The following SCN8A variants were observed in gnomAD, a reference collection of about 807,000 sequenced individuals.
The protein encoded by SCN8A is sodium channel protein type 8 subunit alpha.
Under a neutral mutation model 184.1 loss-of-function variants are expected in SCN8A, and 30 were observed. The ratio of observed to expected loss-of-function variants is 0.16; its 90% confidence interval spans 0.12 to 0.22. SCN8A has a LOEUF of 0.22. SCN8A is among the 10% of genes least tolerant of loss of function. The pLI is 1.00. For missense variants in SCN8A, 1,057 were observed against 2,498.9 expected (o/e 0.42, Z 12.30); for synonymous variants, 852 against 907.0 (o/e 0.94, Z 1.09).
At chr12:51,692,316 T>C (rs1941524727) in intron 6 of SCN8A, among the ~76,000 whole-genome samples, 1 of 152,172 alleles carries the variant, frequency 6.6e-6, no homozygotes, top group African/African-American at 2.4e-5. Context: ...TCTTTGTGTC[T>C]TTGGTAGATA....
chr12:51,674,348 TGA>T (rs961216744), intron 2 of SCN8A, among the ~76,000 whole-genome samples: 7 of 151,952 alleles, frequency 4.6e-5, no homozygotes, highest in African/African-American at 7.3e-5. Context: ...CTTTTTTTTT[TGA>T]GAGAGAGAGT....
At chr12:51,693,536 C>T (rs879579481) in intron 6 of SCN8A, among the ~76,000 whole-genome samples, 3 of 152,162 alleles carry the variant, frequency 2.0e-5, no homozygotes, top group Admixed American at 6.5e-5. Flanking sequence ...AATCAGGAGG[C>T]TGAGGCAGAG....
In SCN8A at chr12:51,810,293, C is replaced by G. The variant is rs557016506; in HGVS notation, c.*2864C>G. 3.3e-5 allele frequency: 9 copies of G among 270,740 alleles called. No homozygotes were observed. Among genetic ancestry groups the G allele is most frequent in the Middle Eastern group, 4.2e-4 (1 of 2,368 alleles). The allele number at this position is 270,740 out of a possible 1,614,324, so 16.8% of individuals were successfully genotyped here. ...TTCCCACCTTTTTATCCTTCACCCA[C>G]TGTCCTTCCACCTGCTCACTCACTC... On this transcript the variant is annotated 3_prime_UTR_variant, in exon 27 of 27. Coordinates refer to ENST00000627620, the MANE Select transcript of SCN8A (RefSeq NM_001330260.2).
At position 51,618,458 on chromosome 12, in the gene SCN8A, A is replaced by AACACACAC. The variant is rs56163627; in HGVS notation, c.-55+27143_-55+27150dup. On this transcript the variant is annotated intron_variant, in intron 1 of 26. Coordinates refer to ENST00000627620, the MANE Select transcript of SCN8A (RefSeq NM_001330260.2). ...AGTCCAGGCCAAGAGATACCAGAGC[A>AACACACAC]ACACACACACACACACACACACACA... 2.4e-3 allele frequency among the ~76,000 whole-genome samples: 328 copies of AACACACAC among 138,934 alleles called. 1 individual carries two copies. Among genetic ancestry groups the AACACACAC allele is most frequent in the African/African-American group, 8.2e-3 (294 of 35,840 alleles). The allele number at this position is 138,934 out of a possible 152,430, so 91.1% of individuals were successfully genotyped here.
chr12:51,622,232 C>T (rs1939978218), intron 1 of SCN8A, among the ~76,000 whole-genome samples: 1 of 152,190 alleles, frequency 6.6e-6, no homozygotes, highest in Admixed American at 6.5e-5. Flanking sequence ...GTATATGCCT[C>T]ACCTGGTTTC....
chr12:51,619,598 C>G (rs1023825088), intron 1 of SCN8A, among the ~76,000 whole-genome samples: 2 of 152,094 alleles, frequency 1.3e-5, no homozygotes, highest in Non-Finnish European at 2.9e-5. Context: ...AATCTTTATT[C>G]AAACTCAGGT....
At chr12:51,667,368 CTAT>C (rs1565880108) in intron 2 of SCN8A, among the ~76,000 whole-genome samples, 2 of 151,352 alleles carry the variant, frequency 1.3e-5, no homozygotes, top group African/African-American at 4.9e-5. Flanking sequence ...TTTTTACTTA[CTAT>C]TATTTTTTTT....
intron 1 of SCN8A, among the ~76,000 whole-genome samples, chr12:51,631,039 A>G (rs532486264): frequency 2.6e-5 from 4 of 152,348 alleles, no homozygotes; most frequent in Admixed American, 2.6e-4. Flanking sequence ...CTGAGGTCCC[A>G]TCATCAAGCG....
At chr12:51,776,694 G>C (rs1937711016) in intron 20 of SCN8A, among the ~76,000 whole-genome samples, 1 of 152,210 alleles carries the variant, frequency 6.6e-6, no homozygotes, top group African/African-American at 2.4e-5. Context: ...ACTGTCACCT[G>C]AACAGTTGGA....
In SCN8A at chr12:51,807,160, C is replaced by T. The variant is rs1282762156; in HGVS notation, c.5674C>T (p.Arg1892Cys). 2 of 1,613,956 alleles carry T rather than the reference C, an allele frequency of 1.2e-6. No homozygotes were observed. Among genetic ancestry groups the T allele is most frequent in the South Asian group, 1.1e-5 (1 of 91,080 alleles). ...SYEPITTTLRRKQEEVSAVVL... is the reference protein window; with the variant it reads ...SYEPITTTLRCKQEEVSAVVL... ...CGAGCCAATCACAACCACACTGCGT[C>T]GCAAGCAGGAGGAGGTATCTGCAGT... Residue 1892 changes from arginine to cysteine, a missense_variant, in exon 27 of 27, where the codon CGC becomes TGC. This residue lies in a region of SCN8A where 95 missense variants were observed against 140.2 expected (regional missense o/e 0.68). Transcript: ENST00000627620. This position sits in a 1 kb window ranked among gnomAD's most constrained non-coding sequence, Gnocchi z 4.5.
intron 11 of SCN8A, among the ~76,000 whole-genome samples, chr12:51,710,061 T>C (rs929164470): frequency 3.9e-5 from 6 of 152,132 alleles, no homozygotes; most frequent in African/African-American, 1.4e-4. Context: ...AACATCTTAT[T>C]GAAGGGAATG....
At chr12:51,767,818 G>T (rs181437836) in intron 16 of SCN8A, among the ~76,000 whole-genome samples, 54 of 152,242 alleles carry the variant, frequency 3.5e-4, no homozygotes, top group Non-Finnish European at 4.7e-4. Flanking sequence ...CCTAACTTCT[G>T]CCCTTCCCCT....
intron 12 of SCN8A, among the ~76,000 whole-genome samples, chr12:51,730,458 G>A (rs1942222265): frequency 6.6e-6 from 1 of 152,102 alleles, no homozygotes; most frequent in South Asian, 2.1e-4. Flanking sequence ...GGTAGTATAA[G>A]CCCTAAGAAC....
chr12:51,781,722 T>C (rs1229354949), intron 21 of SCN8A, among the ~76,000 whole-genome samples: 1 of 87,950 alleles, frequency 1.1e-5, no homozygotes, highest in Non-Finnish European at 3.5e-5. Context: ...GCTTTGGTGG[T>C]AATAGTTGTC....
intron 12 of SCN8A, among the ~76,000 whole-genome samples, chr12:51,738,517 G>T (rs1159384159): frequency 6.6e-6 from 1 of 152,092 alleles, no homozygotes; most frequent in Non-Finnish European, 1.5e-5. Context: ...TATTTCACAG[G>T]TAGGACGTTT....
At chr12:51,716,620 A>G (rs1941968912) in intron 11 of SCN8A, among the ~76,000 whole-genome samples, 2 of 152,136 alleles carry the variant, frequency 1.3e-5, no homozygotes, top group Admixed American at 1.3e-4. Context: ...AGGGTCTTGA[A>G]TGCCATTTTT....
rs369017691 is a variant in SCN8A, at chr12:51,607,197, G to A, written c.-55+15838G>A. On this transcript the variant is annotated intron_variant, in intron 1 of 26. Coordinates refer to ENST00000627620, the MANE Select transcript of SCN8A (RefSeq NM_001330260.2). Reference sequence around the variant, plus strand: ...CAGGCGTGAGCCACCTTGCCTGGCCGGGGTTTAGTTCTTGATTTGATTCTC... The same window carrying A: ...CAGGCGTGAGCCACCTTGCCTGGCCAGGGTTTAGTTCTTGATTTGATTCTC... Among the ~76,000 whole-genome samples, 108 of 152,174 alleles carry A rather than the reference G, an allele frequency of 7.1e-4. 1 individual carries two copies. Among genetic ancestry groups the A allele is most frequent in the African/African-American group, 2.5e-3 (103 of 41,524 alleles).
intron 14 of SCN8A, among the ~76,000 whole-genome samples, chr12:51,758,352 G>A (rs1038501751): frequency 1.3e-5 from 2 of 152,128 alleles, no homozygotes; most frequent in Admixed American, 6.5e-5. Context: ...ATTGGTGTGG[G>A]GAAACTATAT....
rs1416455327 is a variant in SCN8A, at chr12:51,811,318, G to GT, written c.*3890dup. ...CCAGATCCCCACTCACCCATTGCAT[G>GT]TGGCATTCCCCACTACTGGCCGGTG... is the stretch of plus-strand genomic sequence containing the variant. On this transcript the variant is annotated 3_prime_UTR_variant, in exon 27 of 27. Transcript: ENST00000627620. 2.6e-5 allele frequency: 4 copies of GT among 152,106 alleles called. No homozygotes were observed. The highest frequency in any genetic ancestry group is 9.7e-5 in the African/African-American group (4 of 41,388). 9.4% of individuals were successfully genotyped at this position (152,106 alleles called of 1,614,324 possible).
Sources: gnomAD v4.1 joint callset for allele counts (sites outside exome capture counted in the v4.1 genomes callset) on GRCh38, gnomAD v4.1.1 for gene constraint, gnomAD v4.1.1 regional missense constraint, Gnocchi (gnomAD v3.1) non-coding constraint, MANE v1.5 for transcripts, NCBI Gene and HGNC (gene_info 2026-07-23, HGNC 2026-07-21) for gene names.